Variants in TTC28 observed in about 807,000 individuals in gnomAD.
TTC28 encodes the protein tetratricopeptide repeat domain 28, also known as tetratricopeptide repeat protein 28.
A neutral mutation model predicts 198.0 loss-of-function variants in TTC28; 61 were observed. The ratio of observed to expected loss-of-function variants is 0.31; its 90% CI spans 0.25 to 0.38. TTC28 has a LOEUF of 0.38. Ranked by LOEUF, TTC28 falls within the 10% of genes least tolerant of loss-of-function variation. The probability of loss-of-function intolerance (pLI) is 1.00; values close to 1 mark genes in which losing one functional copy is unlikely to be tolerated. For synonymous variants in TTC28, 1,171 were observed against 1,297.8 expected, an observed-to-expected ratio of 0.90 and a Z score of 2.10; for missense variants, 2,678 against 3,164.0, an observed-to-expected ratio of 0.85 and a Z score of 3.69.
At chr22:28,499,028 T>A (rs1263473652) in intron 2 of TTC28, among the ~76,000 whole-genome samples, 1 of 151,860 alleles carries the variant, frequency 6.6e-6, no homozygotes, top group Non-Finnish European at 1.5e-5. Context: ...AAATTTTTTT[T>A]AATTACCCAG....
intron 2 of TTC28, among the ~76,000 whole-genome samples, chr22:28,576,108 C>T (rs181727698): frequency 3.9e-5 from 6 of 151,946 alleles, no homozygotes; most frequent in Non-Finnish European, 7.4e-5. Flanking sequence ...TTCCCCATTC[C>T]GTGTAATACT....
chr22:28,127,440 A>G (rs770171124), intron 6 of TTC28, among the ~76,000 whole-genome samples: 1 of 152,136 alleles, frequency 6.6e-6, no homozygotes, highest in Non-Finnish European at 1.5e-5. Flanking sequence ...TGCTCCCCTC[A>G]ACAATAAGGA....
intron 2 of TTC28, among the ~76,000 whole-genome samples, chr22:28,330,830 G>C (rs1228390789): frequency 6.6e-6 from 1 of 152,162 alleles, no homozygotes; most frequent in Admixed American, 6.6e-5. Context: ...AACAATTAAA[G>C]AGTTGTTTCA....
At position 28,014,307 on chromosome 22, in the gene TTC28, A is replaced by T. The variant is rs1196838341; in HGVS notation, c.4159T>A (p.Ser1387Thr). The change falls in exon 14 of 23, where the codon TCG becomes ACG. Residue 1387 changes from serine to threonine, a missense_variant. By Grantham distance (58) the Ser-to-Thr change is moderately conservative. This residue lies in a region of TTC28 where 727 missense variants were observed against 861.9 expected (regional missense o/e 0.84). Transcript: ENST00000397906. ...GTSSLPRRQS[S>T]FAKPPLRALY... ...GCACGGAGCGGGGGCTTGGCAAACG[A>T]GCTCTGCCTCCTGGGAAGAGAGGAG... is the stretch of plus-strand genomic sequence containing the variant. The T allele has an allele frequency of 1.9e-6, 3 of 1,551,566 alleles. No homozygotes were observed. The East Asian group carries it at 7.3e-5, about 38-fold the overall frequency.
chr22:27,984,579 T>C (rs1457313268), intron 22 of TTC28, among the ~76,000 whole-genome samples: 1 of 151,924 alleles, frequency 6.6e-6, no homozygotes, highest in Non-Finnish European at 1.5e-5. Flanking sequence ...TGCCAACCTC[T>C]CCCCTGAACT....
intron 5 of TTC28, among the ~76,000 whole-genome samples, chr22:28,295,903 T>A (rs1374388919): frequency 6.6e-6 from 1 of 152,212 alleles, no homozygotes; most frequent in Non-Finnish European, 1.5e-5. Flanking sequence ...AGCTTTTTTC[T>A]AATTTTACAT....
intron 5 of TTC28, among the ~76,000 whole-genome samples, chr22:28,284,643 T>C (rs1033570738): frequency 7.9e-5 from 12 of 151,686 alleles, no homozygotes; most frequent in African/African-American, 2.4e-4. Context: ...TACAACTCAA[T>C]TGCAAAAAAT....
At chr22:28,266,351 T>C (rs532905910) in intron 5 of TTC28, among the ~76,000 whole-genome samples, 1 of 152,250 alleles carries the variant, frequency 6.6e-6, no homozygotes, top group East Asian at 1.9e-4. Context: ...TTAAGGTATC[T>C]TCAACCTGCG....
intron 12 of TTC28, among the ~76,000 whole-genome samples, chr22:28,053,839 C>T (rs34013124): frequency 0.037 from 5,698 of 152,212 alleles, 173 homozygotes; most frequent in South Asian, 0.054. Context: ...CCTGGAAAGA[C>T]AGTATTTACC....
chr22:28,424,503 A>G (rs2047316042), intron 2 of TTC28, among the ~76,000 whole-genome samples: 1 of 152,220 alleles, frequency 6.6e-6, no homozygotes, highest in Non-Finnish European at 1.5e-5. Context: ...TCTGACAGAG[A>G]TGATGCCTTT....
At chr22:28,540,917 T>C (rs2049398066) in intron 2 of TTC28, among the ~76,000 whole-genome samples, 1 of 152,208 alleles carries the variant, frequency 6.6e-6, no homozygotes, top group Non-Finnish European at 1.5e-5. Context: ...TCACTCTTTA[T>C]ATCAAATGGA....
At chr22:28,629,881 TC>T in intron 1 of TTC28, 51 bp from the exon 2 acceptor site, 1 of 1,443,606 alleles carries the variant, frequency 6.9e-7, no homozygotes, top group Non-Finnish European at 9.3e-7. Context: ...CCAGATGGGT[TC>T]CCCATCTGCT....
In TTC28 at chr22:28,327,328, G is replaced by T. The variant is rs117390607; in HGVS notation, c.382-20685C>A. Among the ~76,000 whole-genome samples, 552 of 152,126 alleles carry T rather than the reference G, an allele frequency of 3.6e-3. 10 individuals are homozygous for T. The East Asian group carries it at 0.053, about 15-fold the overall frequency. ...TTTTGTTGATTTCACTGTTTAAAAT[G>T]ACCCCCAAGTATAGTACTAACGTGT... On this transcript the variant is annotated intron_variant, in intron 2 of 22. Coordinates refer to ENST00000397906, the MANE Select transcript of TTC28 (RefSeq NM_001145418.2).
At chr22:28,071,733 TAAAAAAAAAAAAAGGAAAA>T (rs935249519) in intron 12 of TTC28, among the ~76,000 whole-genome samples, 5 of 52,010 alleles carry the variant, frequency 9.6e-5, no homozygotes, top group African/African-American at 3.3e-4. Context: ...TAAAGTATAA[TAAAAAAAAAAAAAGGAAAA>T]AAAAAAAAAA....
chr22:28,672,473 TG>T (rs2051904833), intron 1 of TTC28, among the ~76,000 whole-genome samples: 1 of 152,130 alleles, frequency 6.6e-6, no homozygotes, highest in Non-Finnish European at 1.5e-5. Flanking sequence ...GCCAATTTTT[TG>T]TATTTTTATT....
At chr22:28,642,694 T>A (rs1475979303) in intron 1 of TTC28, among the ~76,000 whole-genome samples, 1 of 152,192 alleles carries the variant, frequency 6.6e-6, no homozygotes, top group Admixed American at 6.5e-5. Context: ...ACCAGGCATG[T>A]TTCAGAAACA....
chr22:28,040,129 C>T (rs1939554939), intron 12 of TTC28, among the ~76,000 whole-genome samples: 1 of 152,152 alleles, frequency 6.6e-6, no homozygotes, highest in Admixed American at 6.5e-5. Context: ...CAGGACCAGA[C>T]AGATTCACAG....
intron 12 of TTC28, among the ~76,000 whole-genome samples, chr22:28,070,308 T>C (rs927875083): frequency 2.6e-5 from 4 of 152,048 alleles, no homozygotes; most frequent in Non-Finnish European, 5.9e-5. Flanking sequence ...CTCCACACAA[T>C]AAATACTACT....
intron 6 of TTC28, among the ~76,000 whole-genome samples, chr22:28,132,443 C>T (rs187634466): frequency 1.2e-3 from 184 of 152,324 alleles, no homozygotes; most frequent in African/African-American, 4.4e-3. Flanking sequence ...GCGTTCTCTT[C>T]TTGGCTCAGT....
Sources: gnomAD v4.1 joint callset for allele counts (sites outside exome capture counted in the v4.1 genomes callset) on GRCh38, gnomAD v4.1.1 for gene constraint, gnomAD v4.1.1 regional missense constraint, MANE v1.5 for transcripts, NCBI Gene and HGNC (gene_info 2026-07-23, HGNC 2026-07-21) for gene names.